Variants in MAP9 observed in about 807,000 individuals in gnomAD.
The protein encoded by MAP9 is microtubule associated protein 9, also known as microtubule-associated protein 9.
In MAP9, 80 loss-of-function variants were observed where a neutral mutation model predicts 75.2. That is an observed-to-expected ratio of 1.06 (90% CI 0.89 to 1.28). MAP9 has a LOEUF of 1.28. Ranked by LOEUF, MAP9 falls within the 50% of genes most tolerant of loss-of-function variation. MAP9 has a pLI of 0.00. For missense variants in MAP9, 753 were observed against 719.9 expected, an observed-to-expected ratio of 1.05 and a Z score of -0.53; for synonymous variants, 235 against 237.3, an observed-to-expected ratio of 0.99 and a Z score of 0.09.
chr4:155,362,335 T>A (rs1732127466), intron 5 of MAP9, 194 bp from the exon 6 acceptor site: 2 of 445,574 alleles, frequency 4.5e-6, no homozygotes, highest in South Asian at 5.0e-5. Flanking sequence ...AGCCTTGATG[T>A]CTTGGTCATT....
chr4:155,345,075 A>C lies in MAP9; in HGVS notation c.*2708T>G, dbSNP rs1318945754. On this transcript the variant is annotated 3_prime_UTR_variant, in exon 14 of 14. Transcript: ENST00000311277. ...CTATATTGACATGACATACTTCCTA[A>C]GGAAATATGGGAAAATCATACCTTT... 6.6e-6 allele frequency: 1 copy of C among 152,024 alleles called. No homozygotes were observed. The highest frequency in any genetic ancestry group is 1.5e-5 in the Non-Finnish European group (1 of 67,912). 9.4% of individuals were successfully genotyped at this position (152,024 alleles called of 1,614,324 possible). A position where few individuals can be genotyped will look rare whatever the true frequency, so the allele number is the denominator to read the frequency against.
intron 3 of MAP9, among the ~76,000 whole-genome samples, chr4:155,374,325 C>T (rs1352082549): frequency 2.1e-5 from 3 of 141,782 alleles, no homozygotes; most frequent in South Asian, 2.3e-4. Flanking sequence ...AGCAACTGAG[C>T]GAGACTCCAT....
At chr4:155,355,427 GA>G (rs1315499702) in intron 9 of MAP9, among the ~76,000 whole-genome samples, 1 of 151,912 alleles carries the variant, frequency 6.6e-6, no homozygotes, top group East Asian at 1.9e-4. Context: ...ACTTCAAGAA[GA>G]AAAAAATGAA....
At chr4:155,361,763 C>T (rs910883551) in intron 6 of MAP9, among the ~76,000 whole-genome samples, 1 of 152,012 alleles carries the variant, frequency 6.6e-6, no homozygotes. Flanking sequence ...TAAGTGCTCA[C>T]TCCACTTGGG....
intron 4 of MAP9, among the ~76,000 whole-genome samples, chr4:155,369,264 A>G (rs919505878): frequency 1.3e-5 from 2 of 150,290 alleles, no homozygotes; most frequent in Non-Finnish European, 3.0e-5. Flanking sequence ...CTGAGGTTGC[A>G]GTGAGCCGAG....
chr4:155,373,240 A>G lies in MAP9; in HGVS notation c.377T>C (p.Val126Ala). 1 of 1,612,032 alleles carries G rather than the reference A, an allele frequency of 6.2e-7. No homozygotes were observed. Among genetic ancestry groups the G allele is most frequent in the Non-Finnish European group, 8.5e-7 (1 of 1,179,066 alleles). Residue 126 changes from valine to alanine, a missense_variant, in exon 4 of 14, where the codon GTA becomes GCA. Physicochemically the swap from Val to Ala is moderately conservative, Grantham distance 64 (BLOSUM62 0). Coordinates refer to ENST00000311277, the MANE Select transcript of MAP9 (RefSeq NM_001039580.2). ...ATTTTGAGATTCAGAGAAAGATTTTACAACAATGTCTTCACACCCATCAGG... is the reference window on the plus strand; with the variant it reads ...ATTTTGAGATTCAGAGAAAGATTTTGCAACAATGTCTTCACACCCATCAGG... Reference protein sequence around the residue: ...MAPDGCEDIVVKSFSESQNKD... With the variant: ...MAPDGCEDIVAKSFSESQNKD...
chr4:155,375,564 A>T (rs980821281), intron 2 of MAP9, among the ~76,000 whole-genome samples: 5 of 152,210 alleles, frequency 3.3e-5, no homozygotes, highest in Admixed American at 3.3e-4. Context: ...TTAACTTAGT[A>T]GGAAACTAGT....
In MAP9 at chr4:155,343,949, A is replaced by ATCT. The variant is rs1290848010; in HGVS notation, c.*3831_*3833dup. 6.6e-6 allele frequency: 1 copy of ATCT among 151,964 alleles called. No individual in the cohort carries two copies. The highest frequency in any genetic ancestry group is 1.5e-5 in the Non-Finnish European group (1 of 67,826). 9.4% of individuals were successfully genotyped at this position (151,964 alleles called of 1,614,324 possible). Reference sequence around the variant, plus strand: ...GTAAATGCAAACTAGGAAAGTTGATATCTTTCTTTTATGTAAAAGGAAGCA... The same window carrying ATCT: ...GTAAATGCAAACTAGGAAAGTTGATATCTTCTTTCTTTTATGTAAAAGGAAGCA... On this transcript the variant is annotated 3_prime_UTR_variant, in exon 14 of 14. Transcript: ENST00000311277.
intron 9 of MAP9, 100 bp downstream of exon 9, chr4:155,355,616 A>T: frequency 1.2e-6 from 1 of 864,880 alleles, no homozygotes; most frequent in Non-Finnish European, 1.7e-6. Context: ...TTTAAGTATT[A>T]AACCATCATT....
At position 155,352,950 on chromosome 4, in the gene MAP9, G is replaced by T; in HGVS notation, c.1650C>A (p.Ala550=). ...CAGTTAAATTATCTTTCTTTTTCTC[G>T]GCAACAGTTTCCTCCTCTTTCTGTT... ...AKKQKEEETV[A]EKKKDNLTAV... Residue 550 remains alanine (A), a synonymous_variant, in exon 12 of 14, where the codon GCC becomes GCA. Coordinates refer to ENST00000311277, the MANE Select transcript of MAP9 (RefSeq NM_001039580.2). 1.3e-6 allele frequency: 2 copies of T among 1,531,258 alleles called. No individual in the cohort carries two copies. The highest frequency in any genetic ancestry group is 1.3e-5 in the South Asian group (1 of 79,988). The allele number at this position is 1,531,258 out of a possible 1,614,324, so 94.9% of individuals were successfully genotyped here.
chr4:155,354,627 C>A (rs1370551117), intron 10 of MAP9, among the ~76,000 whole-genome samples: 2 of 152,086 alleles, frequency 1.3e-5, no homozygotes, highest in African/African-American at 4.8e-5. Flanking sequence ...CCATCCCTGG[C>A]TAATTTTTGT....
At chr4:155,370,003 C>T (rs772956297) in intron 4 of MAP9, among the ~76,000 whole-genome samples, 9 of 152,100 alleles carry the variant, frequency 5.9e-5, no homozygotes, top group Non-Finnish European at 1.2e-4. Flanking sequence ...TCCCATTTAC[C>T]TAAAAATGGG....
At chr4:155,372,734 T>C (rs1213132855) in intron 4 of MAP9, among the ~76,000 whole-genome samples, 2 of 152,210 alleles carry the variant, frequency 1.3e-5, no homozygotes, top group South Asian at 2.1e-4. Flanking sequence ...AGTCTCAATA[T>C]TGCTGTAACT....
In MAP9 at chr4:155,352,651, CTT is replaced by C. The variant is rs770835243; in HGVS notation, c.1764_1765del (p.Arg589SerfsTer2). On this transcript the variant is annotated frameshift_variant, in exon 13 of 14. Transcript: ENST00000311277. LOFTEE classifies it high-confidence loss of function. ...TTTATCTTTATCTTTTTTCTCAGCT[CTT>C]TTCAGTTCTTCCTTTCTTTTCTCAT... 1.5e-5 allele frequency: 23 copies of C among 1,541,244 alleles called. No homozygotes were observed. Among genetic ancestry groups the C allele is most frequent in the Non-Finnish European group, 1.9e-5 (21 of 1,128,836 alleles).
At position 155,347,779 on chromosome 4, in the gene MAP9, A is replaced by C; in HGVS notation, c.*4T>G. On this transcript the variant is annotated 3_prime_UTR_variant, in exon 14 of 14. Coordinates refer to ENST00000311277, the MANE Select transcript of MAP9 (RefSeq NM_001039580.2). ...ATAACCAAATAATGTAAGAACTAGAATTATCAAAACACTTTTGCGAACACA... is the reference window on the plus strand; with the variant it reads ...ATAACCAAATAATGTAAGAACTAGACTTATCAAAACACTTTTGCGAACACA... The C allele has an allele frequency of 1.3e-6, 2 of 1,592,126 alleles. No homozygotes were observed. Among genetic ancestry groups the C allele is most frequent in the Non-Finnish European group, 1.7e-6 (2 of 1,172,572 alleles).
Position 155,355,053 on chromosome 4 carries a change from T to G in MAP9, c.1380+18A>C, listed in dbSNP as rs1396901586. On this transcript the variant is annotated intron_variant, in intron 10 of 13. Transcript: ENST00000311277. Reference sequence around the variant, plus strand: ...AAATAAAAATCCAAAACATTTTTACTTCTATATGTCAGAATACCTGTTCAT... The same window carrying G: ...AAATAAAAATCCAAAACATTTTTACGTCTATATGTCAGAATACCTGTTCAT... The G allele has an allele frequency of 2.4e-5, 28 of 1,158,106 alleles. No homozygotes were observed. Among genetic ancestry groups the G allele is most frequent in the Non-Finnish European group, 3.0e-5 (25 of 820,842 alleles). 71.7% of individuals were successfully genotyped at this position (1,158,106 alleles called of 1,614,324 possible).
chr4:155,353,960 T>C (rs949774345), intron 10 of MAP9, among the ~76,000 whole-genome samples: 3 of 152,194 alleles, frequency 2.0e-5, no homozygotes, highest in African/African-American at 7.2e-5. Flanking sequence ...GTTTGCTTTA[T>C]TGTTCAATAT....
chr4:155,354,415 A>C (rs1362740910), intron 10 of MAP9: 1 of 151,658 alleles, frequency 6.6e-6, no homozygotes, highest in African/African-American at 2.4e-5. Flanking sequence ...TTCAAGAGAG[A>C]AAAGAGGAAA....
chr4:155,365,612 G>T (rs1316856553), intron 5 of MAP9, among the ~76,000 whole-genome samples: 5 of 151,928 alleles, frequency 3.3e-5, no homozygotes, highest in Non-Finnish European at 5.9e-5. Context: ...GGGCCATTTA[G>T]AAATAATAAT....
Sources: allele counts gnomAD v4.1 joint callset (sites outside exome capture counted in the v4.1 genomes callset), GRCh38; gene constraint gnomAD v4.1.1; transcripts MANE v1.5; gene names NCBI Gene and HGNC (gene_info 2026-07-23, HGNC 2026-07-21).